Variants in CDH7 observed in about 807,000 individuals in gnomAD.
CDH7 encodes cadherin 7, also known as cadherin-7.
Under a neutral mutation model 71.8 loss-of-function variants are expected in CDH7, and 25 were observed. That is an observed-to-expected ratio of 0.35 (90% confidence interval 0.25 to 0.49). CDH7 has a LOEUF of 0.49. Among genes scored for constraint, CDH7 ranks in the 20% least tolerant of loss-of-function variants. CDH7 has a pLI of 0.99. For missense variants in CDH7, 862 were observed against 974.6 expected, an observed-to-expected ratio of 0.88 and a Z score of 1.54; for synonymous variants, 381 against 363.8, an observed-to-expected ratio of 1.05 and a Z score of -0.54.
At position 65,830,725 on chromosome 18, in the gene CDH7, C is replaced by CTTTCTTTCTTTCTTTCTT. The variant is rs1555687110; in HGVS notation, c.981+5895_981+5896insTTCTTTCTTTCTTTCTTT. On this transcript the variant is annotated intron_variant, in intron 6 of 11. Transcript: ENST00000397968. ...CTTTCTTTTTCTTCTTTCTCTCTCT[C>CTTTCTTTCTTTCTTTCTT]TCTTTCTTTCTTTCTTTCTTCCTCT... 2.6e-3 allele frequency among the ~76,000 whole-genome samples: 339 copies of CTTTCTTTCTTTCTTTCTT among 130,754 alleles called. 7 individuals are homozygous for CTTTCTTTCTTTCTTTCTT. The highest frequency in any genetic ancestry group is 8.8e-3 in the African/African-American group (302 of 34,390). The allele number at this position is 130,754 out of a possible 152,430, so 85.8% of individuals were successfully genotyped here.
At chr18:65,838,939 A>G (rs1165833497) in intron 6 of CDH7, among the ~76,000 whole-genome samples, 1 of 152,202 alleles carries the variant, frequency 6.6e-6, no homozygotes, top group Non-Finnish European at 1.5e-5. Context: ...TGCTTCTAAT[A>G]ACAGCATAAT....
At chr18:65,842,851 G>GTT (rs3061824) in intron 6 of CDH7, among the ~76,000 whole-genome samples, 4,328 of 146,534 alleles carry the variant, frequency 0.03, 167 homozygotes, top group African/African-American at 0.096. Context: ...TTCCTGTAAA[G>GTT]TTTTTTTTTT....
intron 2 of CDH7, among the ~76,000 whole-genome samples, chr18:65,799,670 T>A (rs931481005): frequency 1.3e-5 from 2 of 151,364 alleles, no homozygotes; most frequent in Non-Finnish European, 2.9e-5. Context: ...AGCGAGACTC[T>A]GTGTCAAAAA....
At chr18:65,877,500 G>A (rs1312997581) in intron 11 of CDH7, among the ~76,000 whole-genome samples, 18 of 151,876 alleles carry the variant, frequency 1.2e-4, no homozygotes, top group Admixed American at 9.9e-4. Flanking sequence ...TTAAGAGACC[G>A]CCTAATTATT....
Position 65,754,751 on chromosome 18 carries a change from G to C in CDH7, c.-197+3601G>C, listed in dbSNP as rs561384540. Among the ~76,000 whole-genome samples the C allele has an allele frequency of 2.6e-5, 4 of 152,118 alleles. No homozygotes were observed. The East Asian group carries it at 7.7e-4, about 29-fold the overall frequency. On this transcript the variant is annotated intron_variant, in intron 1 of 11. Transcript: ENST00000397968. ...CAAACAAAATGGCCCCATATATAGA[G>C]TTTATATCCTAATATACTGTCCTGA...
chr18:65,798,302 T>G (rs17075217), intron 2 of CDH7, among the ~76,000 whole-genome samples: 11,321 of 152,288 alleles, frequency 0.074, 670 homozygotes, highest in African/African-American at 0.15. Flanking sequence ...TTTATGAATT[T>G]TGCCATTTGA....
At chr18:65,840,102 A>C (rs1912674166) in intron 6 of CDH7, among the ~76,000 whole-genome samples, 1 of 152,226 alleles carries the variant, frequency 6.6e-6, no homozygotes, top group African/African-American at 2.4e-5. Context: ...CAAGTCTAAT[A>C]GTCACTAATA....
intron 6 of CDH7, among the ~76,000 whole-genome samples, chr18:65,837,258 A>G (rs560731842): frequency 5.3e-5 from 8 of 152,182 alleles, no homozygotes; most frequent in Non-Finnish European, 1.2e-4. Flanking sequence ...AGGCTGTTGC[A>G]ATAGGAGAGA....
At chr18:65,789,786 G>A (rs1910645366) in intron 2 of CDH7, among the ~76,000 whole-genome samples, 1 of 152,096 alleles carries the variant, frequency 6.6e-6, no homozygotes, top group East Asian at 1.9e-4. Flanking sequence ...AAGGAGGTGG[G>A]GAGGTGTCTT....
intron 7 of CDH7, among the ~76,000 whole-genome samples, chr18:65,855,336 A>G (rs1913313952): frequency 7.5e-6 from 1 of 133,516 alleles, no homozygotes; most frequent in African/African-American, 2.5e-5. Flanking sequence ...ATAAACGTCT[A>G]CCAACATTGA....
intron 5 of CDH7, 54 bp downstream of exon 5, chr18:65,822,302 A>G (rs1911964959): frequency 1.5e-6 from 2 of 1,364,594 alleles, no homozygotes; most frequent in Non-Finnish European, 2.1e-6. Flanking sequence ...GAAAGTCTAT[A>G]AAATACATCT....
At chr18:65,787,055 TTA>T (rs1401932740) in intron 2 of CDH7, among the ~76,000 whole-genome samples, 2 of 152,158 alleles carry the variant, frequency 1.3e-5, no homozygotes, top group African/African-American at 2.4e-5. Flanking sequence ...TGTCACATAT[TTA>T]TATGTTTTCA....
intron 11 of CDH7, among the ~76,000 whole-genome samples, chr18:65,869,545 A>ATTTTTTTTTTTTTTTTTTT (rs10696115): frequency 7.7e-5 from 7 of 91,374 alleles, no homozygotes; most frequent in Non-Finnish European, 1.2e-4. Flanking sequence ...AAGTGGGTCA[A>ATTTTTTTTTTTTTTTTTTT]TTTTTTTTTT....
At chr18:65,826,845 C>T (rs1312155869) in intron 6 of CDH7, among the ~76,000 whole-genome samples, 1 of 151,416 alleles carries the variant, frequency 6.6e-6, no homozygotes, top group Non-Finnish European at 1.5e-5. Flanking sequence ...AAATAAGTCA[C>T]AGAGATGGTT....
At chr18:65,858,117 G>C (rs1484706693) in intron 8 of CDH7, among the ~76,000 whole-genome samples, 165 bp downstream of exon 8, 1 of 152,064 alleles carries the variant, frequency 6.6e-6, no homozygotes, top group African/African-American at 2.4e-5. Flanking sequence ...TATCTTCACT[G>C]TCTTTCTATG....
chr18:65,867,516 A>G (rs1208865781), intron 11 of CDH7, among the ~76,000 whole-genome samples: 1 of 152,218 alleles, frequency 6.6e-6, no homozygotes, highest in Non-Finnish European at 1.5e-5. Context: ...TTATTTATTC[A>G]GTAGATTTTT....
At chr18:65,857,568 G>A (rs888127659) in intron 7 of CDH7, among the ~76,000 whole-genome samples, 2 of 151,922 alleles carry the variant, frequency 1.3e-5, no homozygotes, top group African/African-American at 4.8e-5. Flanking sequence ...CAAAGCCATT[G>A]TGAAGATTAC....
chr18:65,758,810 G>A (rs1324369970), intron 1 of CDH7, among the ~76,000 whole-genome samples: 1 of 152,190 alleles, frequency 6.6e-6, no homozygotes, highest in Non-Finnish European at 1.5e-5. Flanking sequence ...ATCAAAAAAT[G>A]AGGTTGATCA....
At chr18:65,822,902 G>T (rs1354296915) in intron 5 of CDH7, among the ~76,000 whole-genome samples, 1 of 151,736 alleles carries the variant, frequency 6.6e-6, no homozygotes, top group Non-Finnish European at 1.5e-5. Context: ...GTAGAGGTGT[G>T]CTGTTTGTAA....
Sources: gnomAD v4.1 joint callset for allele counts (sites outside exome capture counted in the v4.1 genomes callset) on GRCh38, gnomAD v4.1.1 for gene constraint, MANE v1.5 for transcripts, NCBI Gene and HGNC (gene_info 2026-07-23, HGNC 2026-07-21) for gene names.